GABRR1: variants seen among roughly 807,000 people sequenced by gnomAD.
GABRR1 encodes gamma-aminobutyric acid receptor subunit rho-1.
Under a neutral mutation model 55.5 loss-of-function variants are expected in GABRR1, and 59 were observed. The ratio of observed to expected loss-of-function variants is 1.06; its 90% CI spans 0.86 to 1.32. GABRR1 has a LOEUF of 1.32. GABRR1 is among the 40% of genes most tolerant of loss of function. GABRR1 has a pLI of 0.00. For missense variants in GABRR1, 602 were observed against 619.1 expected, an observed-to-expected ratio of 0.97 and a Z score of 0.29; for synonymous variants, 213 against 226.0, an observed-to-expected ratio of 0.94 and a Z score of 0.51.
chr6:89,182,005 G>A lies in GABRR1; in HGVS notation c.849C>T (p.Phe283=), dbSNP rs1480041692. The part of the protein sequence containing the change: ...INFTLRRHIF[F]FLLQTYFPAT... ...CGGGGAAATAAGTTTGGAGCAAGAA[G>A]AAGAAGATGTGGCGACGCAACGTGA... Residue 283 remains phenylalanine (F), a synonymous_variant, in exon 8 of 10, where the codon TTC becomes TTT. Coordinates refer to ENST00000454853, the MANE Select transcript of GABRR1 (RefSeq NM_002042.5). The A allele has an allele frequency of 6.2e-7, 1 of 1,614,160 alleles. No homozygotes were observed. The highest frequency in any genetic ancestry group is 2.2e-5 in the East Asian group (1 of 44,874).
At chr6:89,229,048 G>T (rs1382915934) in intron 1 of GABRR1, among the ~76,000 whole-genome samples, 4 of 151,668 alleles carry the variant, frequency 2.6e-5, no homozygotes, top group South Asian at 2.1e-4. Context: ...ATCTTTGTTG[G>T]TTTAAAATCT....
chr6:89,190,369 G>A, intron 5 of GABRR1, 122 bp from the exon 6 acceptor site: 2 of 604,938 alleles, frequency 3.3e-6, no homozygotes, highest in Admixed American at 3.2e-5. Flanking sequence ...TACTTCATAA[G>A]CAATGTGTCA....
intron 5 of GABRR1, among the ~76,000 whole-genome samples, chr6:89,191,629 T>C (rs1772092251): frequency 6.6e-6 from 1 of 151,678 alleles, no homozygotes; most frequent in South Asian, 2.1e-4. Flanking sequence ...CCATTTGTGA[T>C]GTAATCAAAG....
chr6:89,205,900 C>A (rs1201960983), intron 1 of GABRR1, among the ~76,000 whole-genome samples: 3 of 151,782 alleles, frequency 2.0e-5, no homozygotes, highest in Non-Finnish European at 4.4e-5. Context: ...CCCCCCGCCC[C>A]CCCATCTCTC....
chr6:89,186,568 T>A (rs953816497), intron 6 of GABRR1, among the ~76,000 whole-genome samples: 2 of 152,264 alleles, frequency 1.3e-5, no homozygotes, highest in African/African-American at 4.8e-5. Context: ...CTGTATGTCC[T>A]ACTGGTTCTG....
At chr6:89,223,030 T>A (rs1194485378) in intron 1 of GABRR1, among the ~76,000 whole-genome samples, 2 of 152,148 alleles carry the variant, frequency 1.3e-5, no homozygotes, top group Non-Finnish European at 2.9e-5. Flanking sequence ...TGGGTAGAAA[T>A]CAATGTCCTT....
chr6:89,212,606 T>C (rs1181859927), intron 1 of GABRR1, among the ~76,000 whole-genome samples: 2 of 152,168 alleles, frequency 1.3e-5, no homozygotes, highest in Non-Finnish European at 1.5e-5. Context: ...ACAAGTTATG[T>C]TTCCATTCTT....
At chr6:89,230,848 A>G (rs1186901) in intron 1 of GABRR1, among the ~76,000 whole-genome samples, 147,181 of 148,354 alleles carry the variant, frequency 0.99, 73,019 homozygotes, top group East Asian at 1. Context: ...AATGGCGGGC[A>G]CCCCTCCCCC....
intron 3 of GABRR1, among the ~76,000 whole-genome samples, chr6:89,199,913 T>G (rs1772410792): frequency 6.6e-6 from 1 of 152,192 alleles, no homozygotes; most frequent in Non-Finnish European, 1.5e-5. Flanking sequence ...ATGGAGTAGC[T>G]TCCAGGGAAG....
intron 7 of GABRR1, among the ~76,000 whole-genome samples, chr6:89,182,682 G>T (rs575255864): frequency 1.3e-5 from 2 of 151,874 alleles, no homozygotes; most frequent in South Asian, 2.1e-4. Flanking sequence ...AGATACCTGG[G>T]CCCCACCCCA....
intron 1 of GABRR1, among the ~76,000 whole-genome samples, chr6:89,214,842 T>C (rs892805206): frequency 1.3e-5 from 2 of 151,962 alleles, no homozygotes; most frequent in Admixed American, 6.6e-5. Flanking sequence ...CTGGGCAACA[T>C]AGTGAGACCC....
At chr6:89,198,812 T>C (rs944648604) in intron 4 of GABRR1, among the ~76,000 whole-genome samples, 3 of 152,158 alleles carry the variant, frequency 2.0e-5, no homozygotes, top group African/African-American at 7.2e-5. Context: ...TTCTGGTGTT[T>C]CCCAGGATCA....
At chr6:89,221,951 G>C (rs1773120975), upstream of GABRR1, among the ~76,000 whole-genome samples, 1 of 152,220 alleles carries the variant, frequency 6.6e-6, no homozygotes, top group South Asian at 2.1e-4. Flanking sequence ...TCATGGAACA[G>C]CTTAGAGGTG....
intron 1 of GABRR1, among the ~76,000 whole-genome samples, chr6:89,211,239 C>G (rs1420824349): frequency 1.3e-5 from 2 of 152,110 alleles, no homozygotes; most frequent in East Asian, 3.9e-4. Context: ...GATCAGAGAT[C>G]CAGTCCATAA....
intron 1 of GABRR1, among the ~76,000 whole-genome samples, chr6:89,224,134 G>A (rs1344971294): frequency 6.6e-6 from 1 of 152,084 alleles, no homozygotes; most frequent in African/African-American, 2.4e-5. Context: ...CTGTCGCACA[G>A]GCTGGAGTGC....
intron 1 of GABRR1, among the ~76,000 whole-genome samples, chr6:89,230,574 C>CG (rs1360611118): frequency 6.6e-6 from 1 of 152,178 alleles, no homozygotes; most frequent in Non-Finnish European, 1.5e-5. Context: ...TTAGGCTGCT[C>CG]GGGGGTCAGG....
In GABRR1 at chr6:89,217,256, C is replaced by T. The variant is rs1773016452; in HGVS notation, c.67G>A (p.Glu23Lys). 2.5e-6 allele frequency: 4 copies of T among 1,614,140 alleles called. No homozygotes were observed. The highest frequency in any genetic ancestry group is 3.4e-6 in the Non-Finnish European group (4 of 1,179,998). Residue 23 changes from glutamate to lysine, a missense_variant, in exon 1 of 10, where the codon GAA becomes AAA. By Grantham distance (56) the Glu-to-Lys change is moderately conservative (BLOSUM62 1). This residue lies in a region of GABRR1 where 435 missense variants were observed against 424.2 expected (regional missense o/e 1.03). Coordinates refer to ENST00000454853, the MANE Select transcript of GABRR1 (RefSeq NM_002042.5). ...CTTCCGGGCCAGTGCATTCTGCTTT[C>T]AGTGGCCAAAACCCATCCCCACCAC... ...LLWWGWVLAT[E>K]SRMHWPGREV...
At chr6:89,203,593 T>C (rs1772549852) in intron 1 of GABRR1, 108 bp from the exon 2 acceptor site, 2 of 831,890 alleles carry the variant, frequency 2.4e-6, no homozygotes, top group Admixed American at 2.2e-5. Flanking sequence ...CAGAATAAAA[T>C]GTAAAAGAAG....
intron 1 of GABRR1, among the ~76,000 whole-genome samples, chr6:89,224,333 C>G (rs774731909): frequency 3.9e-5 from 6 of 152,172 alleles, no homozygotes; most frequent in Non-Finnish European, 8.8e-5. Flanking sequence ...CTCAGGTGAT[C>G]TGCCTGCCTT....
Sources: allele counts gnomAD v4.1 joint callset (sites outside exome capture counted in the v4.1 genomes callset), GRCh38; gene constraint gnomAD v4.1.1; regional missense constraint gnomAD v4.1.1; transcripts MANE v1.5; gene names NCBI Gene and HGNC (gene_info 2026-07-23, HGNC 2026-07-21).